The following PPP1CA variants were observed in gnomAD, a reference collection of about 807,000 sequenced individuals.
PPP1CA encodes serine/threonine-protein phosphatase PP1-alpha catalytic subunit.
Under a neutral mutation model 38.5 loss-of-function variants are expected in PPP1CA, and 14 were observed. That is an observed-to-expected ratio of 0.36 (90% confidence interval 0.24 to 0.57). The LOEUF (loss-of-function observed/expected upper bound fraction) is 0.57. Among genes scored for constraint, PPP1CA ranks in the 20% least tolerant of loss-of-function variants. The pLI is 0.80. For missense variants in PPP1CA, 277 were observed against 435.2 expected, an observed-to-expected ratio of 0.64 and a Z score of 3.23; for synonymous variants, 200 against 177.3, an observed-to-expected ratio of 1.13 and a Z score of -1.02.
At position 67,400,888 on chromosome 11, in the gene PPP1CA, C is replaced by T. The variant is rs777712542; in HGVS notation, c.219G>A (p.Leu73=). The T allele has an allele frequency of 6.8e-6, 11 of 1,614,120 alleles. No homozygotes were observed. Among genetic ancestry groups the T allele is most frequent in the Non-Finnish European group, 8.5e-6 (10 of 1,180,028 alleles). ...GDIHGQYYDL[L]RLFEYGGFPP... Reference sequence around the variant, plus strand: ...GGAAACCGCCATACTCAAATAGTCGCAGAAGGTCGTAGTACTGGCCGTGTA... The same window carrying T: ...GGAAACCGCCATACTCAAATAGTCGTAGAAGGTCGTAGTACTGGCCGTGTA... The change falls in exon 3 of 7, where the codon CTG becomes CTA. Residue 73 remains leucine (L), a synonymous_variant. Coordinates refer to ENST00000376745, the MANE Select transcript of PPP1CA (RefSeq NM_002708.4).
At chr11:67,399,208 C>T (rs376748167) in intron 4 of PPP1CA, 45 bp from the exon 5 acceptor site, 103 of 1,561,448 alleles carry the variant, frequency 6.6e-5, no homozygotes, top group Non-Finnish European at 8.9e-5. Flanking sequence ...AGGACATCCT[C>T]CCTCCAGGAA....
Position 67,398,757 on chromosome 11 carries a change from T to A in PPP1CA, c.847A>T (p.Met283Leu). The part of the protein sequence containing the change: ...CGEFDNAGAM[M>L]SVDETLMCSF... ...CACATGAGGGTCTCGTCCACACTCA[T>A]CATGGCGCCAGCATTGTCAAACTCG... Residue 283 changes from methionine (M) to leucine (L), a missense_variant, in exon 6 of 7, where the codon ATG becomes TTG. Physicochemically the swap from Met to Leu is conservative, Grantham distance 15. Around this residue, in one of 3 missense-constraint regions of PPP1CA, gnomAD observed 180 missense variants for 356.7 expected, o/e 0.50. Coordinates refer to ENST00000376745, the MANE Select transcript of PPP1CA (RefSeq NM_002708.4). 6.2e-7 allele frequency: 1 copy of A among 1,613,888 alleles called. No homozygotes were observed. Among genetic ancestry groups the A allele is most frequent in the Non-Finnish European group, 8.5e-7 (1 of 1,180,004 alleles).
rs1246421177 is a variant in PPP1CA at position 67,401,177 on chromosome 11, C to T, written c.78G>A (p.Lys26=). ...LLEVQGSRPG[K]NVQLTENEIR... is the part of the protein sequence containing the mutation. ...TCTCGTTCTCTGTCAGCTGTACATTCTTGCCAGGCCGCGAGCCCTGCACTG... is the reference window on the plus strand; with the variant it reads ...TCTCGTTCTCTGTCAGCTGTACATTTTTGCCAGGCCGCGAGCCCTGCACTG... The change falls in exon 2 of 7, where the codon AAG becomes AAA. Residue 26 remains lysine, a synonymous_variant. Coordinates refer to ENST00000376745, the MANE Select transcript of PPP1CA (RefSeq NM_002708.4). The T allele has an allele frequency of 6.2e-7, 1 of 1,613,918 alleles. No homozygotes were observed. Among genetic ancestry groups the T allele is most frequent in the East Asian group, 2.2e-5 (1 of 44,876 alleles).
At position 67,398,411 on chromosome 11, in the gene PPP1CA, C is replaced by T. The variant is rs546408433; in HGVS notation, c.*124G>A. On this transcript the variant is annotated 3_prime_UTR_variant, in exon 7 of 7. Transcript: ENST00000376745. ...TCATTAAAAAAAGAAAAGAAAAATACACCAAGGCTCCATGTTCCCCGTGAC... is the reference window on the plus strand; with the variant it reads ...TCATTAAAAAAAGAAAAGAAAAATATACCAAGGCTCCATGTTCCCCGTGAC... 2.1e-5 allele frequency: 20 copies of T among 953,658 alleles called. No homozygotes were observed. The East Asian group carries it at 3.9e-4, about 19-fold the overall frequency. 59.1% of individuals were successfully genotyped at this position (953,658 alleles called of 1,614,324 possible). A position where few individuals can be genotyped will look rare whatever the true frequency, so the allele number is the denominator to read the frequency against.
At chr11:67,399,453 G>A (rs113168959) in intron 4 of PPP1CA, 108 bp downstream of exon 4, 12 of 996,254 alleles carry the variant, frequency 1.2e-5, no homozygotes, top group Admixed American at 1.2e-4. Flanking sequence ...GTGGGGTATG[G>A]GGGACACTTC....
At chr11:67,401,250 G>A (rs1289820454) in intron 1 of PPP1CA, 51 bp from the exon 2 acceptor site, 1 of 1,606,468 alleles carries the variant, frequency 6.2e-7, no homozygotes, top group African/African-American at 1.3e-5. Flanking sequence ...GAGGAGGGTG[G>A]GCGACACGGG....
At position 67,400,830 on chromosome 11, in the gene PPP1CA, A is replaced by G; in HGVS notation, c.277T>C (p.Tyr93His). ...AAGGACTGCTTGCCCCTGTCCACAT[A>G]GTCCCCCAGAAAGAGGTAGTTGCTC... ...PESNYLFLGD[Y>H]VDRGKQSLET... Residue 93 changes from tyrosine (Y) to histidine (H), a missense_variant, in exon 3 of 7, where the codon TAT (tyrosine) becomes CAT (histidine). Tyr to His is a moderately conservative substitution (Grantham distance 83, BLOSUM62 2). This residue lies in a region of PPP1CA where 180 missense variants were observed against 356.7 expected (regional missense o/e 0.50). Transcript: ENST00000376745. 6.2e-7 allele frequency: 1 copy of G among 1,614,120 alleles called. No individual in the cohort carries two copies. Among genetic ancestry groups the G allele is most frequent in the Non-Finnish European group, 8.5e-7 (1 of 1,180,020 alleles).
intron 3 of PPP1CA, among the ~76,000 whole-genome samples, chr11:67,400,416 C>T (rs2134985332): frequency 6.6e-6 from 1 of 152,334 alleles, no homozygotes. Flanking sequence ...CTGCAAACAT[C>T]CTAAGTGCTT....
In PPP1CA at chr11:67,401,689, A is replaced by C. The variant is rs748329223; in HGVS notation, c.55+39T>G. ...CCACTTCCGGGCCGGGCAGGGGGCC[A>C]GGGCGCGGCGGACGCGGGCCTCCCC... On this transcript the variant is annotated intron_variant, in intron 1 of 6. Transcript: ENST00000376745. The C allele has an allele frequency of 2.9e-5, 39 of 1,365,088 alleles. No homozygotes were observed. The South Asian group carries it at 2.9e-4, about 10-fold the overall frequency. 84.6% of individuals were successfully genotyped at this position (1,365,088 alleles called of 1,614,324 possible). A position where few individuals can be genotyped will look rare whatever the true frequency, so the allele number is the denominator to read the frequency against.
chr11:67,399,126 C>T lies in PPP1CA; in HGVS notation c.561G>A (p.Arg187=), dbSNP rs1862822773. The T allele has an allele frequency of 6.2e-7, 1 of 1,613,414 alleles. No homozygotes were observed. Among genetic ancestry groups the T allele is most frequent in the Admixed American group, 1.7e-5 (1 of 60,008 alleles). The change falls in exon 5 of 7, where the codon CGG becomes CGA. Residue 187 remains arginine, a synonymous_variant. Transcript: ENST00000376745. Reference sequence around the variant, plus strand: ...GCACATCTGTGGGCCGCATGATCCGCCGAATCTGCTCCATAGACTGCAGGT... The same window carrying T: ...GCACATCTGTGGGCCGCATGATCCGTCGAATCTGCTCCATAGACTGCAGGT... The part of the protein sequence containing the change: ...SPDLQSMEQI[R]RIMRPTDVPD...
At position 67,401,105 on chromosome 11, in the gene PPP1CA, G is replaced by A; in HGVS notation, c.150C>T (p.Pro50=). 2 of 1,613,922 alleles carry A rather than the reference G, an allele frequency of 1.2e-6. No homozygotes were observed. The highest frequency in any genetic ancestry group is 1.7e-6 in the Non-Finnish European group (2 of 1,180,010). ...GGGGTGCCTCCAGCTCCAGAAGAATGGGCTGGCTCAGAAAAATCTCCCGGG... is the reference window on the plus strand; with the variant it reads ...GGGGTGCCTCCAGCTCCAGAAGAATAGGCTGGCTCAGAAAAATCTCCCGGG... ...LKSREIFLSQ[P]ILLELEAPLK... Residue 50 remains proline, a synonymous_variant, in exon 2 of 7, where the codon CCC becomes CCT. Transcript: ENST00000376745.
intron 1 of PPP1CA, 37 bp downstream of exon 1, chr11:67,401,691 G>C: frequency 7.3e-7 from 1 of 1,376,234 alleles, no homozygotes; most frequent in South Asian, 1.7e-5. Context: ...AGGGGGCCAG[G>C]GCGCGGCGGA....
chr11:67,401,815 G>GGCCCGCTCCTGCC lies in PPP1CA; in HGVS notation c.-46_-34dup. On this transcript the variant is annotated 5_prime_UTR_variant, in exon 1 of 7. Coordinates refer to ENST00000376745, the MANE Select transcript of PPP1CA (RefSeq NM_002708.4). Reference sequence around the variant, plus strand: ...CCGCCGCTCCAGCCCAGCAGCTCCTGGCCCGCTCCTGCCTCCCGCCCTCCG... The same window carrying GGCCCGCTCCTGCC: ...CCGCCGCTCCAGCCCAGCAGCTCCTGGCCCGCTCCTGCCGCCCGCTCCTGCCTCCCGCCCTCCG... The GGCCCGCTCCTGCC allele has an allele frequency of 7.1e-7, 1 of 1,412,204 alleles. No individual in the cohort carries two copies. The highest frequency in any genetic ancestry group is 1.5e-5 in the South Asian group (1 of 64,700). 87.5% of individuals were successfully genotyped at this position (1,412,204 alleles called of 1,614,324 possible).
In PPP1CA at chr11:67,399,084, C is replaced by T; in HGVS notation, c.603G>A (p.Leu201=). 2 of 1,613,676 alleles carry T rather than the reference C, an allele frequency of 1.2e-6. No individual in the cohort carries two copies. ...RPTDVPDQGL[L]CDLLWSDPDK... ...CAGGGTCAGACCACAGCAGGTCACA[C>T]AGCAGGCCCTGGTCAGGCACATCTG... The change falls in exon 5 of 7, where the codon CTG becomes CTA. Residue 201 remains leucine, a synonymous_variant. Transcript: ENST00000376745.
rs1031040365 is a variant in PPP1CA at position 67,401,849 on chromosome 11, C to T, written c.-67G>A. 4 of 1,279,024 alleles carry T rather than the reference C, an allele frequency of 3.1e-6. No homozygotes were observed. The highest frequency in any genetic ancestry group is 4.0e-6 in the Non-Finnish European group (4 of 997,534). The allele number at this position is 1,279,024 out of a possible 1,614,324, so 79.2% of individuals were successfully genotyped here. A position where few individuals can be genotyped will look rare whatever the true frequency, so the allele number is the denominator to read the frequency against. ...CTGCCTCCCGCCCTCCGGCAGCCTC[C>T]TTCCGGCCTGGCTCTCCTTCCGCCC... is the stretch of plus-strand genomic sequence containing the variant. On this transcript the variant is annotated 5_prime_UTR_variant, in exon 1 of 7. Coordinates refer to ENST00000376745, the MANE Select transcript of PPP1CA (RefSeq NM_002708.4).
In PPP1CA at chr11:67,399,543, A is replaced by T. The variant is rs769411611; in HGVS notation, c.523+18T>A. On this transcript the variant is annotated intron_variant, in intron 4 of 6. Transcript: ENST00000376745. ...GATGCGGCCAGTGCTCCTCCTCCCC[A>T]GCCATCCCCTCCCTCACCTCCGTGG... is the stretch of plus-strand genomic sequence containing the variant. 2.8e-5 allele frequency: 45 copies of T among 1,609,988 alleles called. No individual in the cohort carries two copies. Among genetic ancestry groups the T allele is most frequent in the Non-Finnish European group, 3.4e-6 (4 of 1,176,516 alleles).
chr11:67,399,753 G>A (rs924812019), intron 3 of PPP1CA, 88 bp from the exon 4 acceptor site: 5 of 1,094,398 alleles, frequency 4.6e-6, no homozygotes, highest in African/African-American at 1.6e-5. Context: ...TGGGAGGAGA[G>A]AGTCAGGCAC....
intron 5 of PPP1CA, 32 bp from the exon 6 acceptor site, chr11:67,398,888 C>G: frequency 6.2e-7 from 1 of 1,611,580 alleles, no homozygotes; most frequent in Non-Finnish European, 8.5e-7. Context: ...CAGTCCCGAG[C>G]GCAGGCACGG....
Position 67,398,393 on chromosome 11 carries a change from A to T in PPP1CA, c.*142T>A. On this transcript the variant is annotated 3_prime_UTR_variant, in exon 7 of 7. Coordinates refer to ENST00000376745, the MANE Select transcript of PPP1CA (RefSeq NM_002708.4). ...CTGGACGCTGCTATTGATTCATTAA[A>T]AAAAGAAAAGAAAAATACACCAAGG... 1.2e-6 allele frequency: 1 copy of T among 859,938 alleles called. No homozygotes were observed. Among genetic ancestry groups the T allele is most frequent in the Non-Finnish European group, 1.8e-6 (1 of 567,002 alleles). 53.3% of individuals were successfully genotyped at this position (859,938 alleles called of 1,614,324 possible). A position where few individuals can be genotyped will look rare whatever the true frequency, so the allele number is the denominator to read the frequency against.
Sources: allele counts gnomAD v4.1 joint callset (sites outside exome capture counted in the v4.1 genomes callset), GRCh38; gene constraint gnomAD v4.1.1; regional missense constraint gnomAD v4.1.1; transcripts MANE v1.5; gene names NCBI Gene and HGNC (gene_info 2026-07-23, HGNC 2026-07-21).